The following FSTL5 variants were observed in gnomAD, a reference collection of about 807,000 sequenced individuals.
The protein encoded by FSTL5 is follistatin-related protein 5.
FSTL5 carries 62 observed loss-of-function variants against 89.1 expected under a neutral mutation model. That is an observed-to-expected ratio of 0.70 (90% confidence interval 0.57 to 0.86). The LOEUF is 0.86. Among genes scored for constraint, FSTL5 ranks in the 40% least tolerant of loss-of-function variants. The pLI is 0.00. For synonymous variants in FSTL5, 383 were observed against 346.2 expected, an observed-to-expected ratio of 1.11 and a Z score of -1.18; for missense variants, 1,057 against 1,001.6, an observed-to-expected ratio of 1.06 and a Z score of -0.75.
intron 10 of FSTL5, among the ~76,000 whole-genome samples, chr4:161,521,645 G>A (rs1183008640): frequency 6.6e-6 from 1 of 151,758 alleles, no homozygotes; most frequent in East Asian, 1.9e-4. Context: ...TCAGGAGATC[G>A]AGACCATCCT....
At chr4:161,764,051 A>G (rs1392336598) in intron 5 of FSTL5, among the ~76,000 whole-genome samples, 1 of 152,156 alleles carries the variant, frequency 6.6e-6, no homozygotes, top group East Asian at 1.9e-4. Context: ...GTGAATTAAT[A>G]AGAATGTCAC....
chr4:162,153,818 T>C (rs1733362113), intron 1 of FSTL5, among the ~76,000 whole-genome samples: 1 of 144,166 alleles, frequency 6.9e-6, no homozygotes, highest in Non-Finnish European at 1.5e-5. Context: ...TATTTATATT[T>C]ATTTTAGACG....
At chr4:162,056,544 T>C (rs868048069) in intron 2 of FSTL5, among the ~76,000 whole-genome samples, 1 of 152,100 alleles carries the variant, frequency 6.6e-6, no homozygotes, top group Non-Finnish European at 1.5e-5. Context: ...TGGGATATTA[T>C]AGAGGAAATA....
rs755577033 is a variant in FSTL5, at chr4:161,384,929, A to G, written c.*818T>C. 1 of 152,204 alleles carries G rather than the reference A, an allele frequency of 6.6e-6. No homozygotes were observed. Among genetic ancestry groups the G allele is most frequent in the Non-Finnish European group, 1.5e-5 (1 of 68,018 alleles). The allele number at this position is 152,204 out of a possible 1,614,324, so 9.4% of individuals were successfully genotyped here. On this transcript the variant is annotated 3_prime_UTR_variant, in exon 16 of 16. Transcript: ENST00000306100. ...CTGCTAGTAATAAACATCTGTAGGC[A>G]GTTGACATCCCAGACAAACTTGCAT...
At chr4:161,396,209 T>G (rs1649856647) in intron 15 of FSTL5, among the ~76,000 whole-genome samples, 1 of 151,812 alleles carries the variant, frequency 6.6e-6, no homozygotes, top group African/African-American at 2.4e-5. Flanking sequence ...GTGACCGAAG[T>G]TACATGAACG....
intron 13 of FSTL5, among the ~76,000 whole-genome samples, chr4:161,467,967 A>G (rs2126427439): frequency 6.6e-6 from 1 of 152,294 alleles, no homozygotes; most frequent in East Asian, 1.9e-4. Flanking sequence ...CAGAAAGAAT[A>G]CTACACAGAT....
intron 6 of FSTL5, among the ~76,000 whole-genome samples, chr4:161,726,650 C>T (rs1211190304): frequency 6.6e-6 from 1 of 152,060 alleles, no homozygotes; most frequent in African/African-American, 2.4e-5. Context: ...TCACATAGGA[C>T]TATTACGTAA....
At chr4:161,790,786 C>T (rs1480815762) in intron 4 of FSTL5, among the ~76,000 whole-genome samples, 1 of 152,238 alleles carries the variant, frequency 6.6e-6, no homozygotes, top group East Asian at 1.9e-4. Flanking sequence ...ATAACATGCC[C>T]ACTTATGAAG....
chr4:162,106,761 T>C (rs531392740), intron 2 of FSTL5, among the ~76,000 whole-genome samples: 1 of 152,266 alleles, frequency 6.6e-6, no homozygotes, highest in Admixed American at 6.5e-5. Flanking sequence ...TTTAATGAAA[T>C]AACCAACAAC....
At position 161,728,890 on chromosome 4, in the gene FSTL5, C is replaced by T. The variant is rs144676134; in HGVS notation, c.727+30521G>A. Among the ~76,000 whole-genome samples, 131 of 152,042 alleles carry T rather than the reference C, an allele frequency of 8.6e-4. 1 individual carries two copies. The highest frequency in any genetic ancestry group is 3.4e-3 in the Middle Eastern group (1 of 294). ...CACATTGTGAGATGATGAAAGATGC[C>T]GCTACCACCTGCAGTTAACGTTGCC... On this transcript the variant is annotated intron_variant, in intron 6 of 15. Coordinates refer to ENST00000306100, the MANE Select transcript of FSTL5 (RefSeq NM_020116.5).
chr4:161,510,356 C>A, intron 11 of FSTL5, 42 bp downstream of exon 11: 1 of 1,301,668 alleles, frequency 7.7e-7, no homozygotes, highest in South Asian at 1.4e-5. Flanking sequence ...TAATAATAAT[C>A]AAGCAAAATT....
chr4:161,538,130 T>C, intron 10 of FSTL5, 36 bp downstream of exon 10: 1 of 1,602,524 alleles, frequency 6.2e-7, no homozygotes, highest in Non-Finnish European at 8.5e-7. Flanking sequence ...ACGTTGAATA[T>C]GGTGTGTGTG....
At chr4:161,540,504 G>C (rs1731782809) in intron 9 of FSTL5, among the ~76,000 whole-genome samples, 1 of 151,998 alleles carries the variant, frequency 6.6e-6, no homozygotes, top group South Asian at 2.1e-4. Context: ...GTTTCACCTT[G>C]ATTTATTTCT....
chr4:161,615,192 G>A (rs1336333980), intron 7 of FSTL5, among the ~76,000 whole-genome samples: 2 of 151,150 alleles, frequency 1.3e-5, no homozygotes, highest in Non-Finnish European at 2.9e-5. Flanking sequence ...TACTCGGGAG[G>A]CCAAGGCAGG....
At chr4:161,597,338 T>A (rs916286537) in intron 7 of FSTL5, among the ~76,000 whole-genome samples, 6 of 151,830 alleles carry the variant, frequency 4.0e-5, no homozygotes, top group African/African-American at 1.5e-4. Flanking sequence ...ATCAGATAGT[T>A]GTAAGCTGGA....
chr4:161,415,798 A>G (rs2110950852), intron 15 of FSTL5, among the ~76,000 whole-genome samples: 1 of 130,382 alleles, frequency 7.7e-6, no homozygotes, highest in South Asian at 2.6e-4. Flanking sequence ...ATATATACAC[A>G]TATATATATC....
intron 10 of FSTL5, among the ~76,000 whole-genome samples, chr4:161,523,546 T>C (rs1731104912): frequency 6.6e-6 from 1 of 152,236 alleles, no homozygotes; most frequent in South Asian, 2.1e-4. Flanking sequence ...TGCACTGGTT[T>C]TATTCCTGGA....
chr4:161,980,455 T>A (rs902450226), intron 3 of FSTL5, among the ~76,000 whole-genome samples: 4 of 152,106 alleles, frequency 2.6e-5, no homozygotes, highest in Non-Finnish European at 5.9e-5. Flanking sequence ...TTGTTTCCCT[T>A]ATTCATAAAT....
Position 161,525,835 on chromosome 4 carries a change from TTATAGTGGATGTGAAA to T in FSTL5, c.1312+12315_1312+12330del, listed in dbSNP as rs1578899100. Among the ~76,000 whole-genome samples, 3 of 152,318 alleles carry T rather than the reference TTATAGTGGATGTGAAA, an allele frequency of 2.0e-5. 1 individual carries two copies. On this transcript the variant is annotated intron_variant, in intron 10 of 15. Transcript: ENST00000306100. ...ATATGCAACTTTTTGACTTTTGGTA[TTATAGTGGATGTGAAA>T]TAGCATTCTCTATTATTTTAGGTAT... is the stretch of plus-strand genomic sequence containing the variant.
Sources: gnomAD v4.1 joint callset for allele counts (sites outside exome capture counted in the v4.1 genomes callset) on GRCh38, gnomAD v4.1.1 for gene constraint, MANE v1.5 for transcripts, NCBI Gene and HGNC (gene_info 2026-07-23, HGNC 2026-07-21) for gene names.